The following LSM12 variants were observed in gnomAD, a reference collection of about 807,000 sequenced individuals.
LSM12 encodes the protein protein LSM12.
For missense variants in LSM12, 108 were observed against 238.9 expected, an observed-to-expected ratio of 0.45 and a Z score of 3.61; for synonymous variants, 74 against 87.3, an observed-to-expected ratio of 0.85 and a Z score of 0.85.
chr17:44,040,643 AC>A (rs1036518860), intron 2 of LSM12, among the ~76,000 whole-genome samples: 3 of 151,944 alleles, frequency 2.0e-5, no homozygotes, highest in African/African-American at 7.3e-5. Flanking sequence ...TGGCTGGGGG[AC>A]TATGTGATGG....
intron 2 of LSM12, among the ~76,000 whole-genome samples, chr17:44,044,062 T>C (rs2049530004): frequency 6.6e-6 from 1 of 152,110 alleles, no homozygotes; most frequent in Non-Finnish European, 1.5e-5. Flanking sequence ...AAGAGTAAAA[T>C]GTCGTTGTCA....
chr17:44,050,081 T>C (rs2049622699), intron 2 of LSM12, among the ~76,000 whole-genome samples: 1 of 152,160 alleles, frequency 6.6e-6, no homozygotes, highest in African/African-American at 2.4e-5. Context: ...GGGTAGGCTC[T>C]TGGAAAGCCT....
chr17:44,057,499 C>G (rs62078908), intron 2 of LSM12, among the ~76,000 whole-genome samples: 57,450 of 150,718 alleles, frequency 0.38, 13,704 homozygotes, highest in Middle Eastern at 0.58. Flanking sequence ...CAGTGGCTCA[C>G]GCCTGTAATC....
chr17:44,040,081 T>A (rs574614341), intron 3 of LSM12, 66 bp downstream of exon 3: 4 of 1,264,218 alleles, frequency 3.2e-6, no homozygotes, highest in African/African-American at 3.0e-5. Context: ...CCCAAAAGCC[T>A]GCCACCAGAC....
intron 2 of LSM12, 50 bp from the exon 3 acceptor site, chr17:44,040,306 T>C (rs2049471351): frequency 2.8e-6 from 4 of 1,406,034 alleles, no homozygotes; most frequent in South Asian, 2.3e-5. Flanking sequence ...ATCTTCATTC[T>C]TGCCAACAGT....
chr17:44,063,434 A>C (rs2049825560), intron 2 of LSM12, among the ~76,000 whole-genome samples: 2 of 152,228 alleles, frequency 1.3e-5, no homozygotes, highest in South Asian at 4.2e-4. Context: ...CAAGCAGAAA[A>C]TGCATATATT....
At chr17:44,045,229 T>C (rs940445758) in intron 2 of LSM12, among the ~76,000 whole-genome samples, 9 of 152,184 alleles carry the variant, frequency 5.9e-5, no homozygotes, top group African/African-American at 1.7e-4. Flanking sequence ...GGGTTCACCA[T>C]GTTGGTCAGG....
intron 2 of LSM12, among the ~76,000 whole-genome samples, chr17:44,043,786 T>C (rs1195768303): frequency 3.4e-5 from 5 of 146,602 alleles, no homozygotes; most frequent in Non-Finnish European, 7.4e-5. Context: ...CTGGGCAACA[T>C]AGTGGGACCC....
At chr17:44,054,859 G>C (rs183059918) in intron 2 of LSM12, among the ~76,000 whole-genome samples, 2 of 150,162 alleles carry the variant, frequency 1.3e-5, no homozygotes, top group East Asian at 3.9e-4. Flanking sequence ...TTAATTTTGA[G>C]ACAGAGTCTC....
At chr17:44,049,122 C>T (rs1351871681) in intron 2 of LSM12, among the ~76,000 whole-genome samples, 5 of 152,056 alleles carry the variant, frequency 3.3e-5, no homozygotes, top group African/African-American at 1.2e-4. Context: ...ACCCGGGAGA[C>T]GGAGGCTGCA....
At chr17:44,043,177 G>C (rs1478104806) in intron 2 of LSM12, among the ~76,000 whole-genome samples, 1 of 152,244 alleles carries the variant, frequency 6.6e-6, no homozygotes, top group Non-Finnish European at 1.5e-5. Context: ...AGGAGCAGGC[G>C]TGAGCACAGA....
intron 2 of LSM12, among the ~76,000 whole-genome samples, chr17:44,049,478 A>G (rs1308263877): frequency 6.6e-6 from 1 of 151,920 alleles, no homozygotes; most frequent in Non-Finnish European, 1.5e-5. Flanking sequence ...GGGTCTTGCT[A>G]TATTGCCCAG....
intron 2 of LSM12, 30 bp downstream of exon 2, chr17:44,063,771 A>C (rs2049830874): frequency 6.3e-7 from 1 of 1,595,168 alleles, no homozygotes; most frequent in Non-Finnish European, 8.6e-7. Context: ...CCACCATTTT[A>C]GAGAGCCAGA....
rs140502137 is a variant in LSM12 at position 44,049,482 on chromosome 17, T to C, written c.259-9226A>G. ...TTGTAGAGATGGGGTCTTGCTATATTGCCCAGGCTGGCCTTGAACTTCTGG... is the reference window on the plus strand; with the variant it reads ...TTGTAGAGATGGGGTCTTGCTATATCGCCCAGGCTGGCCTTGAACTTCTGG... On this transcript the variant is annotated intron_variant, in intron 2 of 4. Transcript: ENST00000293406. Among the ~76,000 whole-genome samples the C allele has an allele frequency of 1.6e-4, 24 of 152,226 alleles. No homozygotes were observed. The East Asian group carries it at 4.4e-3, about 28-fold the overall frequency.
At chr17:44,044,917 T>C (rs921338285) in intron 2 of LSM12, among the ~76,000 whole-genome samples, 34 of 152,248 alleles carry the variant, frequency 2.2e-4, no homozygotes, top group Non-Finnish European at 3.8e-4. Context: ...AGTTAGTAAG[T>C]TTATGGTTTT....
chr17:44,066,608 CG>C lies in LSM12; in HGVS notation c.-22del. 7.7e-7 allele frequency: 1 copy of C among 1,301,432 alleles called. No individual in the cohort carries two copies. The highest frequency in any genetic ancestry group is 9.8e-7 in the Non-Finnish European group (1 of 1,019,180). The allele number at this position is 1,301,432 out of a possible 1,614,324, so 80.6% of individuals were successfully genotyped here. A position where few individuals can be genotyped will look rare whatever the true frequency, so the allele number is the denominator to read the frequency against. On this transcript the variant is annotated 5_prime_UTR_variant, in exon 1 of 5. Coordinates refer to ENST00000293406, the MANE Select transcript of LSM12 (RefSeq NM_001371445.1). ...GCCATCTTGGGAGTGCAGCCGCGGC[CG>C]GCGGCGGCGGCGGCAGCAGCGGGCG...
chr17:44,051,434 C>T (rs972491416), intron 2 of LSM12, among the ~76,000 whole-genome samples: 24 of 146,318 alleles, frequency 1.6e-4, no homozygotes, highest in Non-Finnish European at 2.4e-4. Flanking sequence ...GGTGTGGTGG[C>T]GCACTCCTGT....
At chr17:44,042,687 C>A (rs1466795187) in intron 2 of LSM12, among the ~76,000 whole-genome samples, 1 of 152,088 alleles carries the variant, frequency 6.6e-6, no homozygotes, top group Non-Finnish European at 1.5e-5. Flanking sequence ...GCCTCAGCCT[C>A]CCGAGTAGCT....
chr17:44,036,411 G>GT, intron 4 of LSM12, 111 bp from the exon 5 acceptor site: 2 of 1,403,818 alleles, frequency 1.4e-6, no homozygotes, highest in Non-Finnish European at 2.0e-6. Flanking sequence ...GCCCATTGGT[G>GT]TCCAGGCACC....
Sources: allele counts gnomAD v4.1 joint callset (sites outside exome capture counted in the v4.1 genomes callset), GRCh38; gene constraint gnomAD v4.1.1; transcripts MANE v1.5; gene names NCBI Gene and HGNC (gene_info 2026-07-23, HGNC 2026-07-21).